The following FER1L6 variants were observed in gnomAD, a reference collection of about 807,000 sequenced individuals.
The protein encoded by FER1L6 is fer-1 like family member 6, also known as fer-1-like protein 6.
A neutral mutation model predicts 219.2 loss-of-function variants in FER1L6; 177 were observed. The ratio of observed to expected loss-of-function variants is 0.81; its 90% confidence interval spans 0.71 to 0.91. The LOEUF (loss-of-function observed/expected upper bound fraction) is 0.91. Ranked by LOEUF, FER1L6 falls within the 40% of genes least tolerant of loss-of-function variation. The pLI, the probability that FER1L6 is intolerant of heterozygous loss-of-function variation, is 0.00. For synonymous variants in FER1L6, 768 were observed against 824.3 expected (o/e 0.93, Z 1.17); for missense variants, 2,153 against 2,259.9 (o/e 0.95, Z 0.96).
intron 37 of FER1L6, among the ~76,000 whole-genome samples, chr8:124,099,437 C>G (rs1822458437): frequency 6.6e-6 from 1 of 152,206 alleles, no homozygotes; most frequent in Non-Finnish European, 1.5e-5. Flanking sequence ...TGCTCACTGA[C>G]TTCCCCATTT....
At chr8:123,958,564 A>G (rs1173631581) in intron 2 of FER1L6, among the ~76,000 whole-genome samples, 1 of 152,126 alleles carries the variant, frequency 6.6e-6, no homozygotes, top group Non-Finnish European at 1.5e-5. Context: ...TGATGGCAAG[A>G]TCTTTTGTGG....
intron 15 of FER1L6, among the ~76,000 whole-genome samples, 170 bp from the exon 16 acceptor site, chr8:124,017,458 T>C (rs1818250870): frequency 2.0e-5 from 3 of 152,248 alleles, no homozygotes; most frequent in African/African-American, 7.2e-5. Flanking sequence ...GTTATCATTT[T>C]GTCTCTTGGA....
At chr8:123,960,891 C>T (rs1815241585) in intron 2 of FER1L6, among the ~76,000 whole-genome samples, 2 of 152,158 alleles carry the variant, frequency 1.3e-5, no homozygotes, top group African/African-American at 4.8e-5. Context: ...GAATATCACA[C>T]ATTGCTACTC....
At chr8:124,061,782 C>A in intron 24 of FER1L6, 70 bp from the exon 25 acceptor site, 3 of 1,477,206 alleles carry the variant, frequency 2.0e-6, no homozygotes, top group Non-Finnish European at 2.8e-6. Flanking sequence ...AGACTGGATG[C>A]CCAGCTGGCT....
intron 3 of FER1L6, 98 bp downstream of exon 3, chr8:123,963,496 A>G (rs1224488630): frequency 5.7e-6 from 8 of 1,405,834 alleles, no homozygotes; most frequent in Admixed American, 1.8e-5. Context: ...AGAGTAAGAC[A>G]TAGTCACTGT....
intron 31 of FER1L6, among the ~76,000 whole-genome samples, chr8:124,072,603 GAAAT>G (rs1821122601): frequency 1.3e-5 from 2 of 152,254 alleles, no homozygotes; most frequent in South Asian, 4.2e-4. Context: ...TGCTAAGGGA[GAAAT>G]AAATATTCTT....
chr8:123,933,511 CAG>C (rs1813863750), intron 1 of FER1L6, among the ~76,000 whole-genome samples: 2 of 152,128 alleles, frequency 1.3e-5, no homozygotes, highest in African/African-American at 4.8e-5. Context: ...AAGCAGCACC[CAG>C]CTCTTATGCA....
At chr8:123,911,934 A>C (rs1326615012) in intron 1 of FER1L6, among the ~76,000 whole-genome samples, 1 of 152,204 alleles carries the variant, frequency 6.6e-6, no homozygotes, top group Non-Finnish European at 1.5e-5. Context: ...TGCGCTGTGA[A>C]GTCTGCTATC....
At chr8:124,005,747 G>A (rs1345515583) in intron 13 of FER1L6, among the ~76,000 whole-genome samples, 1 of 152,220 alleles carries the variant, frequency 6.6e-6, no homozygotes, top group African/African-American at 2.4e-5. Flanking sequence ...AGAGTACTAT[G>A]GGAACAGAGT....
intron 1 of FER1L6, among the ~76,000 whole-genome samples, chr8:123,908,890 G>A (rs1478164592): frequency 5.3e-5 from 8 of 152,168 alleles, no homozygotes; most frequent in African/African-American, 1.4e-4. Flanking sequence ...TGGTAAGAAC[G>A]TAAGGCAAAG....
chr8:123,970,079 C>A lies in FER1L6; in HGVS notation c.429C>A (p.Asp143Glu). ...DFIGPQVHLF[D>E]KIIKISVFHH... ...TTGGGCCCCAAGTGCATCTTTTTGACAAGATCATCAAAATCTCCGTAAGTA... is the reference window on the plus strand; with the variant it reads ...TTGGGCCCCAAGTGCATCTTTTTGAAAAGATCATCAAAATCTCCGTAAGTA... The change falls in exon 6 of 41, where the codon GAC becomes GAA. Residue 143 changes from aspartate (D) to glutamate (E), a missense_variant. Transcript: ENST00000522917. The A allele has an allele frequency of 1.2e-6, 2 of 1,613,880 alleles. No individual in the cohort carries two copies. The highest frequency in any genetic ancestry group is 1.7e-6 in the Non-Finnish European group (2 of 1,179,878).
At chr8:124,070,819 G>A (rs1234495599) in intron 30 of FER1L6, among the ~76,000 whole-genome samples, 1 of 152,120 alleles carries the variant, frequency 6.6e-6, no homozygotes, top group Non-Finnish European at 1.5e-5. Context: ...GAAAAATAAG[G>A]AGACAGAGTC....
At chr8:124,047,248 T>C (rs1819778336) in intron 21 of FER1L6, among the ~76,000 whole-genome samples, 1 of 152,216 alleles carries the variant, frequency 6.6e-6, no homozygotes, top group African/African-American at 2.4e-5. Flanking sequence ...CCAGGCAGAC[T>C]TCAGTTTGAG....
intron 39 of FER1L6, among the ~76,000 whole-genome samples, chr8:124,108,664 C>T (rs528239023): frequency 3.3e-5 from 5 of 152,172 alleles, no homozygotes; most frequent in African/African-American, 1.2e-4. Context: ...ACATCTTGAG[C>T]CCCAGAATTT....
intron 1 of FER1L6, among the ~76,000 whole-genome samples, chr8:123,932,265 C>T (rs1406416092): frequency 6.6e-6 from 1 of 152,022 alleles, no homozygotes; most frequent in Non-Finnish European, 1.5e-5. Context: ...CACACCACCA[C>T]ACCCAGCTAA....
chr8:123,969,589 C>T (rs1221312354), intron 5 of FER1L6, among the ~76,000 whole-genome samples: 1 of 152,086 alleles, frequency 6.6e-6, no homozygotes, highest in Non-Finnish European at 1.5e-5. Flanking sequence ...TTCCATTTCT[C>T]ATGTTCATTT....
chr8:123,981,635 T>C (rs1816331199), intron 11 of FER1L6, among the ~76,000 whole-genome samples: 1 of 152,126 alleles, frequency 6.6e-6, no homozygotes, highest in Non-Finnish European at 1.5e-5. Context: ...TAGCAGCAGG[T>C]CACCTTAGCC....
intron 1 of FER1L6, among the ~76,000 whole-genome samples, chr8:123,863,834 TA>T (rs2130259676): frequency 6.6e-6 from 1 of 151,022 alleles, no homozygotes; most frequent in East Asian, 1.9e-4. Flanking sequence ...ATTTGCTTGG[TA>T]GATCTTCCTC....
At chr8:124,013,626 A>T (rs1818045496) in intron 15 of FER1L6, 95 bp downstream of exon 15, 1 of 728,754 alleles carries the variant, frequency 1.4e-6, no homozygotes, top group Admixed American at 3.1e-5. Context: ...CATGCATTCA[A>T]ATGGGTGTTT....
Sources: allele counts gnomAD v4.1 joint callset (sites outside exome capture counted in the v4.1 genomes callset), GRCh38; gene constraint gnomAD v4.1.1; transcripts MANE v1.5; gene names NCBI Gene and HGNC (gene_info 2026-07-23, HGNC 2026-07-21).